The following FANCC variants were observed in gnomAD, a reference collection of about 807,000 sequenced individuals.
FANCC encodes the protein FA complementation group C, also known as Fanconi anemia group C protein.
A neutral mutation model predicts 71.3 loss-of-function variants in FANCC; 55 were observed. That is an observed-to-expected ratio of 0.77 (90% CI 0.62 to 0.97). FANCC has a LOEUF of 0.97. FANCC is among the 50% of genes least tolerant of loss of function. The pLI, the probability that FANCC is intolerant of heterozygous loss-of-function variation, is 0.00. For synonymous variants in FANCC, 275 were observed against 244.9 expected (o/e 1.12, Z -1.15); for missense variants, 678 against 670.9 (o/e 1.01, Z -0.12).
intron 10 of FANCC, among the ~76,000 whole-genome samples, chr9:95,121,720 T>A (rs1439556188): frequency 6.6e-6 from 1 of 152,110 alleles, no homozygotes; most frequent in Non-Finnish European, 1.5e-5. Flanking sequence ...TCTCAAAAGA[T>A]TGCACAGAGT....
In FANCC at chr9:95,101,680, C is replaced by T. The variant is rs761796772; in HGVS notation, c.*27G>A. The T allele has an allele frequency of 1.7e-5, 27 of 1,612,524 alleles. No homozygotes were observed. Among genetic ancestry groups the T allele is most frequent in the Admixed American group, 6.7e-5 (4 of 59,978 alleles). On this transcript the variant is annotated 3_prime_UTR_variant, in exon 15 of 15. Coordinates refer to ENST00000289081, the MANE Select transcript of FANCC (RefSeq NM_000136.3). The stretch of plus-strand genomic sequence containing the variant: ...CCCTGGCGAGCCTGATCCCTCACGC[C>T]GGGCACCCACACGGCCTGCGTGCCT...
At chr9:95,149,882 G>C in intron 7 of FANCC, 41 bp downstream of exon 7, 1 of 1,561,920 alleles carries the variant, frequency 6.4e-7, no homozygotes, top group Non-Finnish European at 8.7e-7. Flanking sequence ...TCTAAGAAAA[G>C]GAAAAACGAC....
At chr9:95,174,711 G>C (rs1278918252) in intron 4 of FANCC, among the ~76,000 whole-genome samples, 7 of 152,136 alleles carry the variant, frequency 4.6e-5, no homozygotes, top group Non-Finnish European at 1.5e-5. Context: ...AAGATAAAAT[G>C]AATTTGCATC....
At chr9:95,118,240 A>C (rs2072587553) in intron 10 of FANCC, among the ~76,000 whole-genome samples, 1 of 152,042 alleles carries the variant, frequency 6.6e-6, no homozygotes, top group Admixed American at 6.5e-5. Flanking sequence ...GCTGGTCTTG[A>C]ACTCCTTAGC....
intron 6 of FANCC, among the ~76,000 whole-genome samples, chr9:95,155,519 CCTTT>C (rs1830424786): frequency 6.6e-6 from 1 of 151,880 alleles, no homozygotes; most frequent in Non-Finnish European, 1.5e-5. Context: ...TATTTTTTCC[CCTTT>C]ATTTACATCT....
Position 95,292,701 on chromosome 9 carries a change from G to A in FANCC, c.-79+24825C>T, listed in dbSNP as rs1588428208. 8.2e-6 allele frequency: 11 copies of A among 1,335,176 alleles called. No homozygotes were observed. In the East Asian group the frequency reaches 2.3e-4, roughly 28 times the overall value. 82.7% of individuals were successfully genotyped at this position (1,335,176 alleles called of 1,614,324 possible). A position where few individuals can be genotyped will look rare whatever the true frequency, so the allele number is the denominator to read the frequency against. On this transcript the variant is annotated intron_variant, in intron 1 of 14. Coordinates refer to ENST00000289081, the MANE Select transcript of FANCC (RefSeq NM_000136.3). ...CACAGTCAATCCAATAATAAGAAAA[G>A]ATTTGAAAACTGTACCGAAATTCTA...
At chr9:95,269,893 A>G (rs1832623013) in intron 1 of FANCC, among the ~76,000 whole-genome samples, 1 of 152,128 alleles carries the variant, frequency 6.6e-6, no homozygotes, top group Non-Finnish European at 1.5e-5. Flanking sequence ...CCGGGGAACC[A>G]GCGTTCAGCA....
chr9:95,190,364 A>T (rs1174673725), intron 4 of FANCC, among the ~76,000 whole-genome samples: 1 of 152,180 alleles, frequency 6.6e-6, no homozygotes, highest in Non-Finnish European at 1.5e-5. Flanking sequence ...GATTAAAAAG[A>T]AAAAAGTTCT....
In FANCC at chr9:95,100,032, T is replaced by C. The variant is rs183099416; in HGVS notation, c.*1675A>G. ...CTCTAGGGGTTCCCTGCTGCCACCA[T>C]GTCCACAGAGGAGTCACAGCTTCCA... On this transcript the variant is annotated 3_prime_UTR_variant, in exon 15 of 15. Transcript: ENST00000289081. 6.5e-5 allele frequency: 15 copies of C among 232,074 alleles called. No individual in the cohort carries two copies. The East Asian group carries it at 9.1e-4, about 14-fold the overall frequency. 14.4% of individuals were successfully genotyped at this position (232,074 alleles called of 1,614,324 possible).
intron 1 of FANCC, among the ~76,000 whole-genome samples, chr9:95,274,292 G>A (rs1313245191): frequency 1.3e-5 from 2 of 152,108 alleles, no homozygotes; most frequent in African/African-American, 4.8e-5. Context: ...TTCTGTTCCT[G>A]TATTAGTTTG....
chr9:95,279,634 C>A (rs1833256658), intron 1 of FANCC, among the ~76,000 whole-genome samples: 1 of 152,002 alleles, frequency 6.6e-6, no homozygotes, highest in South Asian at 2.1e-4. Context: ...TCAATAATAT[C>A]ATGGATGTGA....
At chr9:95,211,787 G>A (rs1828514436) in intron 4 of FANCC, among the ~76,000 whole-genome samples, 1 of 150,482 alleles carries the variant, frequency 6.6e-6, no homozygotes, top group Admixed American at 6.6e-5. Flanking sequence ...GATGGAAGTA[G>A]TAAAGACCTT....
intron 1 of FANCC, among the ~76,000 whole-genome samples, chr9:95,292,065 C>A (rs1834054200): frequency 6.8e-6 from 1 of 146,002 alleles, no homozygotes; most frequent in South Asian, 2.1e-4. Flanking sequence ...TACCTGACTT[C>A]AAAATATACT....
intron 1 of FANCC, among the ~76,000 whole-genome samples, chr9:95,260,453 A>G (rs1831957104): frequency 6.6e-6 from 1 of 152,018 alleles, no homozygotes; most frequent in African/African-American, 2.4e-5. Flanking sequence ...AAAACCAAAC[A>G]CCACATGTTC....
chr9:95,296,296 G>A (rs1834369442), intron 1 of FANCC, among the ~76,000 whole-genome samples: 1 of 152,070 alleles, frequency 6.6e-6, no homozygotes, highest in Non-Finnish European at 1.5e-5. Flanking sequence ...TGTAACAAGA[G>A]GTTTCATTGC....
chr9:95,187,962 G>A (rs1257380064), intron 4 of FANCC, among the ~76,000 whole-genome samples: 1 of 151,308 alleles, frequency 6.6e-6, no homozygotes, highest in Non-Finnish European at 1.5e-5. Context: ...CTGCCACTCA[G>A]TGAAGAAACT....
chr9:95,210,642 C>G (rs1828438566), intron 4 of FANCC, among the ~76,000 whole-genome samples: 1 of 152,126 alleles, frequency 6.6e-6, no homozygotes, highest in African/African-American at 2.4e-5. Context: ...ATGACTTGCC[C>G]AGGGTAATAA....
intron 4 of FANCC, among the ~76,000 whole-genome samples, chr9:95,222,032 T>C (rs1267088965): frequency 1.3e-5 from 2 of 151,984 alleles, no homozygotes; most frequent in East Asian, 1.9e-4. Context: ...ATAAAACTTT[T>C]ACAAAAAATG....
intron 4 of FANCC, among the ~76,000 whole-genome samples, chr9:95,221,026 T>G (rs1050354773): frequency 6.6e-6 from 1 of 151,664 alleles, no homozygotes; most frequent in African/African-American, 2.4e-5. Flanking sequence ...GGTCAAGAGA[T>G]CGAGACCACC....
Sources: allele counts gnomAD v4.1 joint callset (sites outside exome capture counted in the v4.1 genomes callset), GRCh38; gene constraint gnomAD v4.1.1; transcripts MANE v1.5; gene names NCBI Gene and HGNC (gene_info 2026-07-23, HGNC 2026-07-21).